GRAMD4: variants seen among roughly 807,000 people sequenced by gnomAD.
The protein encoded by GRAMD4 is GRAM domain containing 4, also known as GRAM domain-containing protein 4.
In GRAMD4, 25 loss-of-function variants were observed where a neutral mutation model predicts 83.9. The observed-to-expected ratio is 0.30, with a 90% CI of 0.22 to 0.42. GRAMD4 has a LOEUF of 0.42. Among genes scored for constraint, GRAMD4 ranks in the 10% least tolerant of loss-of-function variants. The pLI, the probability that GRAMD4 is intolerant of heterozygous loss-of-function variation, is 1.00. For missense variants in GRAMD4, 593 were observed against 788.7 expected (o/e 0.75, Z 2.97); for synonymous variants, 336 against 320.9 (o/e 1.05, Z -0.50).
chr22:46,678,041 C>T lies in GRAMD4; in HGVS notation c.*790C>T, dbSNP rs1036733858. 9 of 985,590 alleles carry T rather than the reference C, an allele frequency of 9.1e-6. No individual in the cohort carries two copies. Among genetic ancestry groups the T allele is most frequent in the African/African-American group, 1.7e-5 (1 of 57,254 alleles). The allele number at this position is 985,590 out of a possible 1,614,324, so 61.1% of individuals were successfully genotyped here. On this transcript the variant is annotated 3_prime_UTR_variant, in exon 19 of 19. Coordinates refer to ENST00000406902, the MANE Select transcript of GRAMD4 (RefSeq NM_015124.5). ...CTGTAGCTGGGGACCAGTAAGGGCA[C>T]AGGATGGTGCAGGTAAAAGCACATC...
chr22:46,597,937 A>T (rs1165458926), intron 1 of GRAMD4, among the ~76,000 whole-genome samples: 1 of 152,050 alleles, frequency 6.6e-6, no homozygotes, highest in East Asian at 1.9e-4. Flanking sequence ...GCACTGTACA[A>T]GGTGGCATTT....
At chr22:46,610,761 G>A (rs907873657) in intron 1 of GRAMD4, among the ~76,000 whole-genome samples, 2 of 152,182 alleles carry the variant, frequency 1.3e-5, no homozygotes, top group African/African-American at 4.8e-5. Context: ...TGGTTGCTAG[G>A]AGTGATGGAG....
At chr22:46,615,822 G>A (rs62233587), upstream of GRAMD4, among the ~76,000 whole-genome samples, 890 of 3,078 alleles carry the variant, frequency 0.29, 338 homozygotes, top group East Asian at 1. Flanking sequence ...CTGTGCGTGT[G>A]GGTTCCCCCA....
chr22:46,674,910 A>G (rs918600811), intron 16 of GRAMD4, among the ~76,000 whole-genome samples, 160 bp downstream of exon 16: 2 of 152,194 alleles, frequency 1.3e-5, no homozygotes, highest in African/African-American at 2.4e-5. Flanking sequence ...CTCCCAGGGA[A>G]AAGGTGTTGT....
chr22:46,631,088 A>G (rs1373674263), intron 2 of GRAMD4, among the ~76,000 whole-genome samples: 1 of 152,212 alleles, frequency 6.6e-6, no homozygotes, highest in East Asian at 1.9e-4. Context: ...CACGGCTTTT[A>G]TTGTGCAGGA....
chr22:46,586,454 G>T (rs2147918223), intron 1 of GRAMD4, among the ~76,000 whole-genome samples: 1 of 152,040 alleles, frequency 6.6e-6, no homozygotes, highest in Non-Finnish European at 1.5e-5. Flanking sequence ...CCAGCCCAGG[G>T]CTCCCTGGCT....
At chr22:46,619,825 G>T (rs539708102), upstream of GRAMD4, among the ~76,000 whole-genome samples, 1 of 152,318 alleles carries the variant, frequency 6.6e-6, no homozygotes, top group African/African-American at 2.4e-5. Context: ...GGTGGGGGCT[G>T]GGGCCCACTG....
chr22:46,676,213 G>A (rs2082595537), intron 17 of GRAMD4, among the ~76,000 whole-genome samples: 1 of 152,222 alleles, frequency 6.6e-6, no homozygotes. Flanking sequence ...ACCAGAAGGG[G>A]TGAGTTCAGG....
At chr22:46,656,875 C>G (rs1327120390) in intron 3 of GRAMD4, among the ~76,000 whole-genome samples, 2 of 152,214 alleles carry the variant, frequency 1.3e-5, no homozygotes, top group Non-Finnish European at 2.9e-5. Flanking sequence ...CAGTTGAAGT[C>G]GAGGCTGACT....
rs186722998 is a variant in GRAMD4 at position 46,630,210 on chromosome 22, G to A, written c.162+3249G>A. Among the ~76,000 whole-genome samples the A allele has an allele frequency of 3.3e-3, 508 of 152,142 alleles. 3 individuals carry two copies. The highest frequency in any genetic ancestry group is 0.014 in the Middle Eastern group (4 of 294). On this transcript the variant is annotated intron_variant, in intron 2 of 18. Coordinates refer to ENST00000406902, the MANE Select transcript of GRAMD4 (RefSeq NM_015124.5). ...CGGCTAATATTTTGTATTTTTATTA[G>A]AGACGGGGTTTCGCCGTGTTGCCCA...
rs760884599 is a variant in GRAMD4, at chr22:46,643,631, C to T, written c.283+5671C>T. ...GGATAGTTTCATGCCTCTTTCGTCTCCTTTCACCTGGAGCAGTAGTTCTTT... is the reference window on the plus strand; with the variant it reads ...GGATAGTTTCATGCCTCTTTCGTCTTCTTTCACCTGGAGCAGTAGTTCTTT... On this transcript the variant is annotated intron_variant, in intron 3 of 18. Coordinates refer to ENST00000406902, the MANE Select transcript of GRAMD4 (RefSeq NM_015124.5). Among the ~76,000 whole-genome samples, 3 of 152,194 alleles carry T rather than the reference C, an allele frequency of 2.0e-5. No individual in the cohort carries two copies. In the East Asian group the frequency reaches 5.8e-4, roughly 29 times the overall value.
upstream of GRAMD4, among the ~76,000 whole-genome samples, chr22:46,575,845 C>G (rs1049007829): frequency 6.6e-6 from 1 of 152,242 alleles, no homozygotes; most frequent in Non-Finnish European, 1.5e-5. Context: ...GTCCCCAGTT[C>G]TGCAGACAGG....
chr22:46,680,889 CCCAT>C (rs1205121084), downstream of GRAMD4, among the ~76,000 whole-genome samples: 9 of 106,768 alleles, frequency 8.4e-5, no homozygotes, highest in South Asian at 3.7e-4. Context: ...CATCTACCTA[CCCAT>C]CCATCCATCC....
At chr22:46,651,913 A>C (rs1434491080) in intron 3 of GRAMD4, among the ~76,000 whole-genome samples, 1 of 152,124 alleles carries the variant, frequency 6.6e-6, no homozygotes, top group Non-Finnish European at 1.5e-5. Context: ...TCCTGGACCC[A>C]CTAAAGGAGG....
rs1181588317 is a variant in GRAMD4, at chr22:46,623,324, G to A, written c.-50+2759G>A. 2.0e-5 allele frequency among the ~76,000 whole-genome samples: 3 copies of A among 152,348 alleles called. No individual in the cohort carries two copies. In the East Asian group the frequency reaches 5.8e-4, roughly 29 times the overall value. ...TGAGTTGTGGGGTGGCCGGTTGAGG[G>A]GGCGTCTGTGTGCTTGCTCTGCCGC... On this transcript the variant is annotated intron_variant, in intron 1 of 18. Transcript: ENST00000406902.
intron 1 of GRAMD4, among the ~76,000 whole-genome samples, chr22:46,580,996 A>G (rs947600187): frequency 3.3e-5 from 5 of 151,944 alleles, no homozygotes; most frequent in Admixed American, 1.3e-4. Context: ...AAAGAAAGAA[A>G]AAAGAAAATG....
rs1385825524 is a variant in GRAMD4, at chr22:46,602,316, GACCCC to G, written c.-49-24432_-49-24428del. On this transcript the variant is annotated intron_variant, in intron 1 of 1. Coordinates refer to the GRAMD4 transcript ENST00000431155. ...ACGTGGGACAGAGCCTGTGTCCCCT[GACCCC>G]ACACCCACATGCTGTGCCTCTTTGC... Among the ~76,000 whole-genome samples, 4 of 152,302 alleles carry G rather than the reference GACCCC, an allele frequency of 2.6e-5. No individual in the cohort carries two copies. In the East Asian group the frequency reaches 7.7e-4, roughly 29 times the overall value.
chr22:46,662,359 C>A (rs866680402), intron 5 of GRAMD4, among the ~76,000 whole-genome samples: 12 of 152,252 alleles, frequency 7.9e-5, no homozygotes, highest in African/African-American at 2.9e-4. Context: ...AGGCAGCACC[C>A]GCTGCAGGCG....
chr22:46,611,415 G>A (rs1303570815), intron 1 of GRAMD4, among the ~76,000 whole-genome samples: 2 of 152,024 alleles, frequency 1.3e-5, no homozygotes, highest in Non-Finnish European at 2.9e-5. Flanking sequence ...GCAAGCTCAG[G>A]CCATGGAGTC....
Sources: allele counts gnomAD v4.1 joint callset (sites outside exome capture counted in the v4.1 genomes callset), GRCh38; gene constraint gnomAD v4.1.1; transcripts MANE v1.5; gene names NCBI Gene and HGNC (gene_info 2026-07-23, HGNC 2026-07-21).